The following FAAH2 variants were observed in gnomAD, a reference collection of about 807,000 sequenced individuals.
FAAH2 encodes fatty-acid amide hydrolase 2.
In FAAH2, 60 loss-of-function variants were observed where a neutral mutation model predicts 36.9. The ratio of observed to expected loss-of-function variants is 1.63; its 90% CI spans 1.32 to 2.02. FAAH2 has a LOEUF of 2.02. Among genes scored for constraint, FAAH2 ranks in the 30% most tolerant of loss-of-function variants. FAAH2 has a pLI of 0.00. For synonymous variants in FAAH2, 214 were observed against 143.8 expected (o/e 1.49, Z -3.49); for missense variants, 689 against 397.5 (o/e 1.73, Z -6.23).
At chrX:57,176,444 T>A in the FAAH2 span, among the ~76,000 whole-genome samples, 2 of 111,640 alleles carry the variant, frequency 1.8e-5, no homozygotes, top group African/African-American at 6.5e-5. Context: ...TTTCTTTAAA[T>A]TATCCATTTC....
intron 7 of FAAH2, among the ~76,000 whole-genome samples, chrX:57,421,215 G>A (rs1005780095): frequency 8.9e-6 from 1 of 111,910 alleles, no homozygotes; most frequent in African/African-American, 3.3e-5. Flanking sequence ...GGAGGCCAAG[G>A]CAGGCGGATC....
the FAAH2 span, among the ~76,000 whole-genome samples, chrX:57,248,441 G>A: frequency 1.8e-5 from 2 of 111,388 alleles, no homozygotes; most frequent in African/African-American, 6.5e-5. Flanking sequence ...ATAAAGAATA[G>A]CAATTTTTGC....
chrX:57,153,181 C>G, the FAAH2 span, among the ~76,000 whole-genome samples: 1 of 112,052 alleles, frequency 8.9e-6, no homozygotes, highest in Admixed American at 9.5e-5. Context: ...ACAAGAATAG[C>G]TACACCTGCT....
chrX:57,359,062 T>C (rs1413607001), intron 5 of FAAH2, among the ~76,000 whole-genome samples: 2 of 111,388 alleles, frequency 1.8e-5, no homozygotes, highest in African/African-American at 6.5e-5. Context: ...CTTTCGGTTA[T>C]GTTTAAATGT....
chrX:57,241,844 C>T, the FAAH2 span, among the ~76,000 whole-genome samples: 4 of 111,318 alleles, frequency 3.6e-5, 1 homozygote, highest in Admixed American at 3.9e-4. Context: ...GCCTCCGGAA[C>T]TCACCACAGC....
the FAAH2 span, among the ~76,000 whole-genome samples, chrX:57,171,691 A>G: frequency 9.0e-6 from 1 of 111,320 alleles, no homozygotes; most frequent in African/African-American, 3.3e-5. Context: ...TTTGCAAATA[A>G]TTTCTCCTGT....
the FAAH2 span, among the ~76,000 whole-genome samples, chrX:57,264,293 A>G: frequency 8.9e-6 from 1 of 112,628 alleles, no homozygotes; most frequent in Non-Finnish European, 1.9e-5. Context: ...TACAGATTCC[A>G]CATATCTGGC....
At chrX:57,205,307 T>C in the FAAH2 span, among the ~76,000 whole-genome samples, 1 of 112,620 alleles carries the variant, frequency 8.9e-6, no homozygotes, top group East Asian at 2.8e-4. Context: ...TGAAAATGTC[T>C]AGCGTTAAAT....
the FAAH2 span, among the ~76,000 whole-genome samples, chrX:57,199,367 T>G: frequency 1.8e-5 from 2 of 111,530 alleles, no homozygotes; most frequent in African/African-American, 6.5e-5. Flanking sequence ...AACACCTTGA[T>G]TAATTTCTGT....
At position 57,357,760 on chromosome X, in the gene FAAH2, T is replaced by C. The variant is rs149942271; in HGVS notation, c.742+16370T>C. Among the ~76,000 whole-genome samples the C allele has an allele frequency of 5.8e-4, 65 of 111,747 alleles. 1 individual carries two copies. The East Asian group carries it at 0.018, about 30-fold the overall frequency. ...GTTAGAGTGTAAATTAGTTCAACCA[T>C]TGTGAAGACAGTGTGGTGATTGCTC... On this transcript the variant is annotated intron_variant, in intron 5 of 10. Transcript: ENST00000374900.
chrX:57,161,552 G>A, the FAAH2 span, among the ~76,000 whole-genome samples: 18 of 111,567 alleles, frequency 1.6e-4, no homozygotes, highest in African/African-American at 5.9e-4. Flanking sequence ...GCCTGTATTG[G>A]GTGCATATGT....
the FAAH2 span, chrX:57,135,969 A>G: frequency 3.1e-5 from 37 of 1,206,227 alleles, no homozygotes; most frequent in Admixed American, 5.5e-4. Context: ...ATGCTTACCT[A>G]TTAGGCCATC....
chrX:57,184,151 G>T, the FAAH2 span, among the ~76,000 whole-genome samples: 1 of 111,475 alleles, frequency 9.0e-6, no homozygotes, highest in East Asian at 2.8e-4. Context: ...CTTATTAGTA[G>T]TTCTGCTTTT....
chrX:57,341,234 A>T, intron 4 of FAAH2, 37 bp from the exon 5 acceptor site: 1 of 1,177,877 alleles, frequency 8.5e-7, no homozygotes. Context: ...ATAGTATATT[A>T]GATTATTTAT....
At chrX:57,179,873 A>T in the FAAH2 span, among the ~76,000 whole-genome samples, 1 of 111,991 alleles carries the variant, frequency 8.9e-6, no homozygotes, top group African/African-American at 3.2e-5. Flanking sequence ...TCAAATATAT[A>T]AAAAAAAGCA....
At chrX:57,227,370 G>C in the FAAH2 span, among the ~76,000 whole-genome samples, 20 of 111,065 alleles carry the variant, frequency 1.8e-4, no homozygotes, top group Non-Finnish European at 3.4e-4. Flanking sequence ...CCCCCTTTTC[G>C]TGTGGATGTG....
At chrX:57,276,553 A>T in the FAAH2 span, among the ~76,000 whole-genome samples, 1 of 111,712 alleles carries the variant, frequency 9.0e-6, no homozygotes. Context: ...AGCTACCCGA[A>T]GGGAAGAAAT....
Position 57,322,928 on chromosome X carries a change from A to C in FAAH2, c.413-8670A>C, listed in dbSNP as rs1260693980. On this transcript the variant is annotated intron_variant, in intron 3 of 10. Transcript: ENST00000374900. ...TACAAGTGCCATGTTGGTGTGCTGCACCCATTAACTTGTCATTTAATATTA... is the reference window on the plus strand; with the variant it reads ...TACAAGTGCCATGTTGGTGTGCTGCCCCCATTAACTTGTCATTTAATATTA... Among the ~76,000 whole-genome samples the C allele has an allele frequency of 7.3e-5, 8 of 109,437 alleles. No individual in the cohort carries two copies. In the East Asian group the frequency reaches 2.3e-3, roughly 31 times the overall value.
chrX:57,319,638 A>G (rs1349558979), intron 3 of FAAH2, among the ~76,000 whole-genome samples: 3 of 112,153 alleles, frequency 2.7e-5, no homozygotes. Flanking sequence ...TTGAACTGCA[A>G]TTGACTTTTT....
Sources: allele counts gnomAD v4.1 joint callset (sites outside exome capture counted in the v4.1 genomes callset), GRCh38; gene constraint gnomAD v4.1.1; transcripts MANE v1.5; gene names NCBI Gene and HGNC (gene_info 2026-07-23, HGNC 2026-07-21).